RHPN2: variants seen among roughly 807,000 people sequenced by gnomAD.
RHPN2 encodes rhophilin Rho GTPase binding protein 2.
A neutral mutation model predicts 79.0 loss-of-function variants in RHPN2; 40 were observed. That is an observed-to-expected ratio of 0.51 (90% CI 0.39 to 0.66). The LOEUF (loss-of-function observed/expected upper bound fraction) is 0.66, where lower values mean the gene tolerates loss of function less well. Among genes scored for constraint, RHPN2 ranks in the 30% least tolerant of loss-of-function variants. RHPN2 has a pLI of 0.00. For synonymous variants in RHPN2, 285 were observed against 363.5 expected (o/e 0.78, Z 2.46); for missense variants, 686 against 883.5 (o/e 0.78, Z 2.83).
At chr19:33,008,836 C>A (rs1330398653) in intron 6 of RHPN2, among the ~76,000 whole-genome samples, 1 of 152,094 alleles carries the variant, frequency 6.6e-6, no homozygotes, top group Non-Finnish European at 1.5e-5. Context: ...GATGACAGGA[C>A]TAATCACACT....
intron 9 of RHPN2, among the ~76,000 whole-genome samples, chr19:33,000,327 TCTC>T: frequency 6.6e-6 from 1 of 151,720 alleles, no homozygotes; most frequent in African/African-American, 2.4e-5. Context: ...TTCAAGCGAT[TCTC>T]CTGCCTCAGC....
At position 32,979,702 on chromosome 19, in the gene RHPN2, C is replaced by T; in HGVS notation, c.*294G>A. On this transcript the variant is annotated 3_prime_UTR_variant, in exon 15 of 15. Coordinates refer to ENST00000254260, the MANE Select transcript of RHPN2 (RefSeq NM_033103.5). ...AATAGTGACTAAAAGTCATAATTGTCACCATTAAAAATAGCCATATTTCAT... is the reference window on the plus strand; with the variant it reads ...AATAGTGACTAAAAGTCATAATTGTTACCATTAAAAATAGCCATATTTCAT... The T allele has an allele frequency of 2.6e-6, 1 of 378,238 alleles. No individual in the cohort carries two copies. Among genetic ancestry groups the T allele is most frequent in the South Asian group, 2.9e-5 (1 of 34,338 alleles). 23.4% of individuals were successfully genotyped at this position (378,238 alleles called of 1,614,324 possible). A position where few individuals can be genotyped will look rare whatever the true frequency, so the allele number is the denominator to read the frequency against.
At chr19:32,982,392 G>T (rs1437891352) in intron 14 of RHPN2, among the ~76,000 whole-genome samples, 1 of 151,976 alleles carries the variant, frequency 6.6e-6, no homozygotes, top group Admixed American at 6.6e-5. Context: ...GGGCGATGGA[G>T]TGAGACGCTA....
At chr19:33,040,767 C>T (rs1384826470) in intron 2 of RHPN2, among the ~76,000 whole-genome samples, 1 of 151,694 alleles carries the variant, frequency 6.6e-6, no homozygotes, top group African/African-American at 2.4e-5. Flanking sequence ...CCAGCCTGGC[C>T]AACACCGTGA....
chr19:32,983,200 G>A (rs953528121), intron 14 of RHPN2, among the ~76,000 whole-genome samples: 8 of 150,158 alleles, frequency 5.3e-5, no homozygotes, highest in East Asian at 2.0e-4. Flanking sequence ...CCTGCAATGC[G>A]TACCATCACA....
chr19:33,054,396 C>T (rs927546799), intron 1 of RHPN2, among the ~76,000 whole-genome samples: 4 of 151,516 alleles, frequency 2.6e-5, no homozygotes, highest in African/African-American at 9.7e-5. Flanking sequence ...AACAGGGTTT[C>T]ACCATGTTGT....
At chr19:33,022,217 G>C (rs942934880) in intron 3 of RHPN2, among the ~76,000 whole-genome samples, 73 of 152,284 alleles carry the variant, frequency 4.8e-4, no homozygotes, top group African/African-American at 1.7e-3. Flanking sequence ...CAATGTGCTG[G>C]GATGACGGGC....
chr19:32,985,253 G>A (rs1372966630), intron 14 of RHPN2, among the ~76,000 whole-genome samples: 1 of 152,164 alleles, frequency 6.6e-6, no homozygotes, highest in Non-Finnish European at 1.5e-5. Flanking sequence ...ACTCGAAGCT[G>A]TAGTCAGCTA....
At chr19:33,039,638 GAT>G (rs1972084453) in intron 2 of RHPN2, among the ~76,000 whole-genome samples, 1 of 152,046 alleles carries the variant, frequency 6.6e-6, no homozygotes, top group South Asian at 2.1e-4. Context: ...AGGAGTTTGA[GAT>G]CAGCTTGGCC....
chr19:33,002,778 C>T lies in RHPN2; in HGVS notation c.948+35G>A, dbSNP rs372428553. 5.4e-4 allele frequency: 866 copies of T among 1,609,518 alleles called. 1 individual carries two copies. The highest frequency in any genetic ancestry group is 7.0e-4 in the Non-Finnish European group (823 of 1,176,340). On this transcript the variant is annotated intron_variant, in intron 8 of 14. Transcript: ENST00000254260. ...TGCTCCTGTGCCAGCATCTCCTGCC[C>T]ACTCCCCAAAGTCACAGGAACCAGG... is the stretch of plus-strand genomic sequence containing the variant.
chr19:33,007,520 AT>A, intron 7 of RHPN2, among the ~76,000 whole-genome samples: 1 of 151,704 alleles, frequency 6.6e-6, no homozygotes, highest in Non-Finnish European at 1.5e-5. Flanking sequence ...AAATAAATAA[AT>A]AAATAAAGGC....
In RHPN2 at chr19:33,008,106, G is replaced by C. The variant is rs765104577; in HGVS notation, c.668C>G (p.Thr223Ser). ...LLEKASVLFNTGALYTQIGTR... is the reference protein window; with the variant it reads ...LLEKASVLFNSGALYTQIGTR... ...CCCAATCTGGGTGTAGAGGGCCCCA[G>C]TGTTGAACAGGACACTGGCCTTCTC... Residue 223 changes from threonine (T) to serine (S), a missense_variant, in exon 7 of 15, where the codon ACT becomes AGT. By Grantham distance (58) the Thr-to-Ser change is moderately conservative. Transcript: ENST00000254260. 2 of 1,614,124 alleles carry C rather than the reference G, an allele frequency of 1.2e-6. No individual in the cohort carries two copies. Among genetic ancestry groups the C allele is most frequent in the Non-Finnish European group, 1.7e-6 (2 of 1,180,008 alleles).
chr19:33,045,051 T>C (rs1362566009), intron 1 of RHPN2, among the ~76,000 whole-genome samples: 2 of 80,246 alleles, frequency 2.5e-5, no homozygotes, highest in Non-Finnish European at 2.0e-5. Context: ...GAGTATCTAC[T>C]TTTTTTTTTT....
chr19:33,018,829 T>C (rs1248555959), intron 4 of RHPN2, among the ~76,000 whole-genome samples: 2 of 148,726 alleles, frequency 1.3e-5, no homozygotes, highest in Non-Finnish European at 3.0e-5. Flanking sequence ...TGGATCGAGT[T>C]TGAGACCAGC....
chr19:33,064,689 G>T, intron 1 of RHPN2, 95 bp downstream of exon 1: 2 of 1,335,880 alleles, frequency 1.5e-6, no homozygotes, highest in Non-Finnish European at 1.0e-6. Context: ...CGGCCTAGTG[G>T]ACCCCGACTG....
intron 1 of RHPN2, among the ~76,000 whole-genome samples, chr19:33,061,225 C>CTTTT (rs35377340): frequency 4.3e-4 from 52 of 120,576 alleles, no homozygotes; most frequent in Non-Finnish European, 6.2e-4. Context: ...ACCTGCCTTT[C>CTTTT]TTTTTTTTTT....
intron 4 of RHPN2, among the ~76,000 whole-genome samples, chr19:33,020,944 A>G (rs985393191): frequency 4.6e-5 from 7 of 152,370 alleles, no homozygotes; most frequent in Middle Eastern, 3.4e-3. Context: ...AGTTTGCTAT[A>G]AAATTCTTAA....
intron 11 of RHPN2, 56 bp from the exon 12 acceptor site, chr19:32,994,109 C>T: frequency 7.7e-7 from 1 of 1,297,418 alleles, no homozygotes; most frequent in Non-Finnish European, 1.1e-6. Context: ...GAAAGTGATC[C>T]TAATAGTCCA....
chr19:33,039,107 G>A (rs577071688), intron 2 of RHPN2, among the ~76,000 whole-genome samples: 1 of 152,256 alleles, frequency 6.6e-6, no homozygotes, highest in East Asian at 1.9e-4. Context: ...CGCAGCTTCA[G>A]CGACCTTATT....
Sources: gnomAD v4.1 joint callset for allele counts (sites outside exome capture counted in the v4.1 genomes callset) on GRCh38, gnomAD v4.1.1 for gene constraint, MANE v1.5 for transcripts, NCBI Gene and HGNC (gene_info 2026-07-23, HGNC 2026-07-21) for gene names.